Variants in NPNT observed in about 807,000 individuals in gnomAD.
NPNT encodes nephronectin.
A neutral mutation model predicts 68.6 loss-of-function variants in NPNT; 45 were observed. The ratio of observed to expected loss-of-function variants is 0.66; its 90% CI spans 0.52 to 0.84. The LOEUF (loss-of-function observed/expected upper bound fraction) is 0.84. Among genes scored for constraint, NPNT ranks in the 40% least tolerant of loss-of-function variants. The pLI is 0.00. For missense variants in NPNT, 672 were observed against 714.8 expected (o/e 0.94, Z 0.68); for synonymous variants, 233 against 253.3 (o/e 0.92, Z 0.76).
chr4:105,931,974 T>C (rs1729150200), intron 3 of NPNT, among the ~76,000 whole-genome samples: 1 of 152,232 alleles, frequency 6.6e-6, no homozygotes, highest in Non-Finnish European at 1.5e-5. Context: ...TCTTTGAGTC[T>C]CACCCATCTT....
chr4:105,906,924 A>G (rs1376686926), intron 2 of NPNT, among the ~76,000 whole-genome samples: 3 of 152,264 alleles, frequency 2.0e-5, no homozygotes, highest in African/African-American at 7.2e-5. Flanking sequence ...AGGCATGAAC[A>G]TTGTTCCCAG....
chr4:105,941,536 A>G (rs1578649786), intron 7 of NPNT, among the ~76,000 whole-genome samples: 1 of 152,206 alleles, frequency 6.6e-6, no homozygotes, highest in African/African-American at 2.4e-5. Flanking sequence ...CCTCCGTAAA[A>G]TATTTACTGA....
chr4:105,904,282 G>T (rs1726688745), intron 2 of NPNT, among the ~76,000 whole-genome samples: 1 of 152,090 alleles, frequency 6.6e-6, no homozygotes, highest in Non-Finnish European at 1.5e-5. Flanking sequence ...TTTATATGTG[G>T]TCAAATGGCA....
intron 2 of NPNT, among the ~76,000 whole-genome samples, chr4:105,913,747 T>A (rs1233980739): frequency 2.0e-5 from 3 of 152,224 alleles, no homozygotes. Flanking sequence ...ATTCTTCAGT[T>A]ATTCATTTCT....
At chr4:105,953,225 TAAAAG>T (rs755877093) in intron 8 of NPNT, among the ~76,000 whole-genome samples, 23 of 152,210 alleles carry the variant, frequency 1.5e-4, no homozygotes, top group Non-Finnish European at 3.2e-4. Context: ...AAAACTTTAT[TAAAAG>T]TTCCTACAAT....
At chr4:105,896,450 G>C (rs1248254707) in intron 1 of NPNT, among the ~76,000 whole-genome samples, 2 of 152,172 alleles carry the variant, frequency 1.3e-5, no homozygotes, top group African/African-American at 4.8e-5. Context: ...CGCGCTCCGG[G>C]GCCGCTCCGG....
intron 5 of NPNT, among the ~76,000 whole-genome samples, chr4:105,939,231 C>T (rs1729732611): frequency 6.6e-6 from 1 of 152,136 alleles, no homozygotes; most frequent in South Asian, 2.1e-4. Context: ...ACATGAGGTA[C>T]TGAGAGAAAA....
chr4:105,964,439 A>C (rs1731962519), intron 10 of NPNT, among the ~76,000 whole-genome samples: 1 of 152,208 alleles, frequency 6.6e-6, no homozygotes, highest in Non-Finnish European at 1.5e-5. Context: ...GTCAAAAGAG[A>C]ATTTGTATTT....
At chr4:105,898,850 G>T (rs1174474653) in intron 2 of NPNT, among the ~76,000 whole-genome samples, 1 of 152,162 alleles carries the variant, frequency 6.6e-6, no homozygotes, top group Non-Finnish European at 1.5e-5. Flanking sequence ...GTCTTCAAAT[G>T]ATCAAGTACC....
At chr4:105,962,770 A>G (rs1042667862) in intron 10 of NPNT, among the ~76,000 whole-genome samples, 2 of 152,036 alleles carry the variant, frequency 1.3e-5, no homozygotes, top group Non-Finnish European at 1.5e-5. Flanking sequence ...GAGAATTATA[A>G]CCCAGCACTG....
rs1273667275 is a variant in NPNT, at chr4:105,940,175, T to A, written c.606T>A (p.Asp202Glu). 1 of 1,613,470 alleles carries A rather than the reference T, an allele frequency of 6.2e-7. No homozygotes were observed. Among genetic ancestry groups the A allele is most frequent in the Non-Finnish European group, 8.5e-7 (1 of 1,179,578 alleles). Residue 202 changes from aspartate to glutamate, a missense_variant, in exon 6 of 12, where the codon GAT becomes GAA. By Grantham distance (45) the Asp-to-Glu change is conservative. Transcript: ENST00000379987. The stretch of plus-strand genomic sequence containing the variant: ...TCTGCAAGTGTCATAAAGGCTTCGA[T>A]CTCATGTATATTGGAGGCAAATATC... The part of the protein sequence containing the change: ...SYICKCHKGF[D>E]LMYIGGKYQC...
rs544361890 is a variant in NPNT, at chr4:105,960,342, C to G, written c.1345+1216C>G. 2.0e-5 allele frequency among the ~76,000 whole-genome samples: 3 copies of G among 152,344 alleles called. No homozygotes were observed. The South Asian group carries it at 6.2e-4, about 32-fold the overall frequency. ...GAGCTCATGATATCTTAAACCAGCTCTTCTCAAACTTCACTGTGATTGCAG... is the reference window on the plus strand; with the variant it reads ...GAGCTCATGATATCTTAAACCAGCTGTTCTCAAACTTCACTGTGATTGCAG... On this transcript the variant is annotated intron_variant, in intron 10 of 11. Coordinates refer to ENST00000379987, the MANE Select transcript of NPNT (RefSeq NM_001033047.3).
chr4:105,904,039 C>T (rs1726661536), intron 2 of NPNT, among the ~76,000 whole-genome samples: 2 of 152,144 alleles, frequency 1.3e-5, no homozygotes, highest in African/African-American at 2.4e-5. Flanking sequence ...CCACCTCAGC[C>T]TCCCAAAGTG....
intron 2 of NPNT, among the ~76,000 whole-genome samples, chr4:105,923,425 A>G (rs559119906): frequency 6.6e-6 from 1 of 152,284 alleles, no homozygotes; most frequent in South Asian, 2.1e-4. Flanking sequence ...CTAAATTTGT[A>G]TCAAAAGGAA....
chr4:105,971,223 G>A lies in NPNT; in HGVS notation c.*2233G>A, dbSNP rs768962797. The A allele has an allele frequency of 3.3e-5, 15 of 449,564 alleles. No homozygotes were observed. The highest frequency in any genetic ancestry group is 9.5e-5 in the Admixed American group (4 of 41,966). 27.8% of individuals were successfully genotyped at this position (449,564 alleles called of 1,614,324 possible). A position where few individuals can be genotyped will look rare whatever the true frequency, so the allele number is the denominator to read the frequency against. ...GAGAAAGAGTGCCCTGCCCCACACC[G>A]GCAGACCTTTCCTTCACCTCATCAG... On this transcript the variant is annotated 3_prime_UTR_variant, in exon 12 of 12. Transcript: ENST00000379987.
intron 10 of NPNT, among the ~76,000 whole-genome samples, chr4:105,964,036 C>A (rs969199841): frequency 6.6e-6 from 1 of 152,022 alleles, no homozygotes; most frequent in South Asian, 2.1e-4. Flanking sequence ...GCCAGAATAC[C>A]TGGTCTGGAA....
At chr4:105,906,896 G>T (rs1387171023) in intron 2 of NPNT, among the ~76,000 whole-genome samples, 3 of 152,094 alleles carry the variant, frequency 2.0e-5, no homozygotes, top group Non-Finnish European at 4.4e-5. Context: ...GCCAGTTATG[G>T]CTTGGAATAA....
At chr4:105,959,673 G>A (rs942446450) in intron 10 of NPNT, among the ~76,000 whole-genome samples, 1 of 151,778 alleles carries the variant, frequency 6.6e-6, no homozygotes, top group African/African-American at 2.4e-5. Context: ...TATAACAAAA[G>A]GTAGATTTAG....
chr4:105,904,865 A>G (rs892634677), intron 2 of NPNT, among the ~76,000 whole-genome samples: 1 of 151,878 alleles, frequency 6.6e-6, no homozygotes, highest in African/African-American at 2.4e-5. Context: ...TAATCAACTG[A>G]TGGAGTTGAT....
Sources: gnomAD v4.1 joint callset for allele counts (sites outside exome capture counted in the v4.1 genomes callset) on GRCh38, gnomAD v4.1.1 for gene constraint, MANE v1.5 for transcripts, NCBI Gene and HGNC (gene_info 2026-07-23, HGNC 2026-07-21) for gene names.